The following OSBP2 variants were observed in gnomAD, a reference collection of about 807,000 sequenced individuals.
The protein encoded by OSBP2 is oxysterol binding protein 2.
OSBP2 carries 66 observed loss-of-function variants against 96.0 expected under a neutral mutation model. The observed-to-expected ratio is 0.69, with a 90% CI of 0.56 to 0.84. The LOEUF (loss-of-function observed/expected upper bound fraction) is 0.84, where lower values mean the gene tolerates loss of function less well. OSBP2 is among the 40% of genes least tolerant of loss of function. The pLI is 0.00. For missense variants in OSBP2, 1,038 were observed against 1,222.7 expected, an observed-to-expected ratio of 0.85 and a Z score of 2.25; for synonymous variants, 525 against 520.9, an observed-to-expected ratio of 1.01 and a Z score of -0.11.
intron 2 of OSBP2, among the ~76,000 whole-genome samples, chr22:30,851,386 C>T (rs1164580946): frequency 2.6e-5 from 4 of 152,134 alleles, no homozygotes; most frequent in Non-Finnish European, 4.4e-5. Context: ...TGTCATTTTC[C>T]AGTTGTTCAT....
chr22:30,749,319 A>T (rs552989624), intron 2 of OSBP2, among the ~76,000 whole-genome samples: 3 of 152,336 alleles, frequency 2.0e-5, no homozygotes, highest in African/African-American at 7.2e-5. Context: ...GGACATTTCC[A>T]TAAGTTCTGA....
intron 12 of OSBP2, among the ~76,000 whole-genome samples, chr22:30,903,103 G>T (rs74902635): frequency 2.6e-5 from 4 of 152,132 alleles, no homozygotes; most frequent in Admixed American, 1.3e-4. Flanking sequence ...GTGGCCATGT[G>T]GGGGAGTCGT....
chr22:30,877,752 G>A (rs962228593), intron 3 of OSBP2, among the ~76,000 whole-genome samples: 1 of 152,178 alleles, frequency 6.6e-6, no homozygotes, highest in African/African-American at 2.4e-5. Context: ...TGCAGGCGGG[G>A]CCCAGGCAAG....
intron 2 of OSBP2, among the ~76,000 whole-genome samples, chr22:30,824,725 G>C (rs76915174): frequency 6.6e-6 from 1 of 152,166 alleles, no homozygotes; most frequent in Non-Finnish European, 1.5e-5. Flanking sequence ...CTTAGGAAAG[G>C]GTTCCAATGA....
At chr22:30,813,367 T>A in intron 2 of OSBP2, among the ~76,000 whole-genome samples, 1 of 151,878 alleles carries the variant, frequency 6.6e-6, no homozygotes. Context: ...GGAGATGAGC[T>A]TTCACCATGT....
chr22:30,725,037 G>T (rs1252115378), intron 1 of OSBP2, among the ~76,000 whole-genome samples: 2 of 151,314 alleles, frequency 1.3e-5, no homozygotes, highest in East Asian at 2.0e-4. Flanking sequence ...TTAGCCGGGC[G>T]TGGTGGCAGG....
chr22:30,710,823 C>G (rs2089334435), intron 1 of OSBP2, among the ~76,000 whole-genome samples: 1 of 152,140 alleles, frequency 6.6e-6, no homozygotes, highest in East Asian at 1.9e-4. Flanking sequence ...GTTGGCCAGG[C>G]TGGTCTCAAA....
intron 2 of OSBP2, among the ~76,000 whole-genome samples, chr22:30,832,462 T>A (rs1412889021): frequency 6.6e-6 from 1 of 152,036 alleles, no homozygotes; most frequent in Non-Finnish European, 1.5e-5. Flanking sequence ...GGCTAATTTT[T>A]TTTTTTCCTG....
intron 2 of OSBP2, among the ~76,000 whole-genome samples, chr22:30,843,120 T>A (rs1176768436): frequency 6.6e-6 from 1 of 152,126 alleles, no homozygotes; most frequent in Non-Finnish European, 1.5e-5. Context: ...CACTTCTAAT[T>A]CTGATTCTCT....
At chr22:30,712,139 C>T (rs1406149783) in intron 1 of OSBP2, among the ~76,000 whole-genome samples, 1 of 152,098 alleles carries the variant, frequency 6.6e-6, no homozygotes, top group South Asian at 2.1e-4. Context: ...TGTTTCAGAC[C>T]CTGTTCTCCA....
intron 1 of OSBP2, among the ~76,000 whole-genome samples, chr22:30,708,776 A>C (rs2089297834): frequency 1.3e-5 from 2 of 151,036 alleles, no homozygotes; most frequent in South Asian, 2.1e-4. Context: ...GGCGTGAGCC[A>C]CCGTGCCCGG....
At chr22:30,698,628 C>T (rs532494667) in intron 1 of OSBP2, among the ~76,000 whole-genome samples, 7 of 151,994 alleles carry the variant, frequency 4.6e-5, no homozygotes, top group African/African-American at 1.7e-4. Context: ...TTAGTAGAGA[C>T]GGGGTTTCAC....
intron 2 of OSBP2, among the ~76,000 whole-genome samples, chr22:30,805,833 T>TC (rs1438394213): frequency 6.6e-6 from 1 of 152,074 alleles, no homozygotes; most frequent in African/African-American, 2.4e-5. Flanking sequence ...AAGGAAATGT[T>TC]CCCTCCAGGA....
At position 30,742,965 on chromosome 22, in the gene OSBP2, G is replaced by T. The variant is rs184193062; in HGVS notation, c.853+1596G>T. On this transcript the variant is annotated intron_variant, in intron 2 of 13. Transcript: ENST00000332585. ...TGGAATGTTAACAGGAGTGTGTGAG[G>T]ACACACACCTCCCACAGCCTTGCCT... Among the ~76,000 whole-genome samples, 111 of 152,280 alleles carry T rather than the reference G, an allele frequency of 7.3e-4. 1 individual carries two copies. The highest frequency in any genetic ancestry group is 2.6e-3 in the African/African-American group (107 of 41,560).
At chr22:30,899,136 T>C (rs2040133608) in intron 12 of OSBP2, among the ~76,000 whole-genome samples, 1 of 152,064 alleles carries the variant, frequency 6.6e-6, no homozygotes, top group Non-Finnish European at 1.5e-5. Flanking sequence ...ATCCCAGCAC[T>C]TTGGAAAGCC....
chr22:30,819,952 G>C (rs1270380547), intron 2 of OSBP2, among the ~76,000 whole-genome samples: 1 of 152,214 alleles, frequency 6.6e-6, no homozygotes, highest in Non-Finnish European at 1.5e-5. Flanking sequence ...TTCTGCATTA[G>C]AGTCCTCCAG....
chr22:30,876,759 C>T (rs755464552), intron 3 of OSBP2, among the ~76,000 whole-genome samples: 6 of 152,174 alleles, frequency 3.9e-5, no homozygotes, highest in Non-Finnish European at 7.4e-5. Context: ...TCTGCATGCA[C>T]CTCCCCTGCC....
chr22:30,864,766 G>A (rs1312476002), intron 2 of OSBP2, among the ~76,000 whole-genome samples: 3 of 152,140 alleles, frequency 2.0e-5, no homozygotes, highest in Admixed American at 2.0e-4. Context: ...CAGTGAGCGG[G>A]GTGAGTGCCA....
At chr22:30,754,800 T>C (rs1395382597) in intron 2 of OSBP2, among the ~76,000 whole-genome samples, 1 of 152,184 alleles carries the variant, frequency 6.6e-6, no homozygotes. Flanking sequence ...GGGGTTGACC[T>C]GTCCAGCCCC....
Sources: gnomAD v4.1 joint callset for allele counts (sites outside exome capture counted in the v4.1 genomes callset) on GRCh38, gnomAD v4.1.1 for gene constraint, MANE v1.5 for transcripts, NCBI Gene and HGNC (gene_info 2026-07-23, HGNC 2026-07-21) for gene names.